The following TMTC2 variants were observed in gnomAD, a reference collection of about 807,000 sequenced individuals.
TMTC2 encodes transmembrane O-mannosyltransferase targeting cadherins 2, also known as protein O-mannosyl-transferase TMTC2.
A neutral mutation model predicts 82.4 loss-of-function variants in TMTC2; 43 were observed. The observed-to-expected ratio is 0.52, with a 90% CI of 0.41 to 0.67. The LOEUF is 0.67. TMTC2 is among the 30% of genes least tolerant of loss of function. TMTC2 has a pLI of 0.00. For synonymous variants in TMTC2, 408 were observed against 381.9 expected (o/e 1.07, Z -0.80); for missense variants, 919 against 1,012.4 (o/e 0.91, Z 1.25).
chr12:83,113,126 T>A (rs932967431), intron 11 of TMTC2, among the ~76,000 whole-genome samples: 1 of 152,202 alleles, frequency 6.6e-6, no homozygotes, highest in Non-Finnish European at 1.5e-5. Flanking sequence ...TCTGTGTGAT[T>A]GCTTTATTGA....
intron 2 of TMTC2, among the ~76,000 whole-genome samples, chr12:82,876,028 CGGTGGTGGTGGTGGTGGTGGTGGTGGT>C (rs748180026): frequency 1.2e-5 from 1 of 83,488 alleles, no homozygotes; most frequent in African/African-American, 5.2e-5. Context: ...GTAGTGGTGG[CGGTGGTGGTGGTGGTGGTGGTGGTGGT>C]GGTGGTGGTG....
intron 1 of TMTC2, among the ~76,000 whole-genome samples, chr12:82,809,179 A>G (rs1879377881): frequency 6.6e-6 from 1 of 151,794 alleles, no homozygotes; most frequent in South Asian, 2.1e-4. Context: ...ATGACCAATA[A>G]TATGCATTGG....
intron 1 of TMTC2, among the ~76,000 whole-genome samples, chr12:82,699,321 A>G (rs2136896091): frequency 6.6e-6 from 1 of 152,236 alleles, no homozygotes; most frequent in Non-Finnish European, 1.5e-5. Context: ...CTATGTTTCT[A>G]GTCATTGTAC....
intron 1 of TMTC2, among the ~76,000 whole-genome samples, chr12:82,808,589 A>T (rs550956035): frequency 2.2e-4 from 34 of 152,204 alleles, no homozygotes; most frequent in Admixed American, 1.6e-3. Flanking sequence ...TCTGTTTATT[A>T]TTCAGACATA....
intron 11 of TMTC2, among the ~76,000 whole-genome samples, chr12:83,087,099 GT>G (rs2137513191): frequency 6.6e-6 from 1 of 152,284 alleles, no homozygotes; most frequent in South Asian, 2.1e-4. Flanking sequence ...ATAAATTTAT[GT>G]TATATTCTAA....
chr12:82,746,299 G>A (rs1340868716), intron 1 of TMTC2, among the ~76,000 whole-genome samples: 3 of 152,154 alleles, frequency 2.0e-5, no homozygotes, highest in Non-Finnish European at 4.4e-5. Flanking sequence ...GTCTAATAAA[G>A]CATGTCCTTT....
intron 8 of TMTC2, among the ~76,000 whole-genome samples, chr12:82,996,301 G>C (rs935212580): frequency 6.6e-6 from 1 of 152,176 alleles, no homozygotes; most frequent in Non-Finnish European, 1.5e-5. Context: ...AAGGGGTGAG[G>C]GTGAAGGGCA....
chr12:82,890,842 T>C (rs1873360199), intron 2 of TMTC2, among the ~76,000 whole-genome samples: 1 of 152,206 alleles, frequency 6.6e-6, no homozygotes, highest in African/African-American at 2.4e-5. Flanking sequence ...GCAACCTTAA[T>C]GATAAGTTGA....
intron 1 of TMTC2, among the ~76,000 whole-genome samples, chr12:82,851,326 A>C (rs1870965215): frequency 6.6e-6 from 1 of 152,078 alleles, no homozygotes; most frequent in African/African-American, 2.4e-5. Context: ...GCTACTGGGG[A>C]GGCTGAGGCA....
chr12:82,812,215 G>A (rs1280739390), intron 1 of TMTC2, among the ~76,000 whole-genome samples: 1 of 152,012 alleles, frequency 6.6e-6, no homozygotes, highest in Non-Finnish European at 1.5e-5. Context: ...CTTATTAGAA[G>A]TAAAATCAGT....
chr12:82,907,772 T>C (rs1874402694), intron 3 of TMTC2, among the ~76,000 whole-genome samples: 1 of 152,176 alleles, frequency 6.6e-6, no homozygotes, highest in Non-Finnish European at 1.5e-5. Flanking sequence ...TAGCATATGA[T>C]TAAGCATGAA....
chr12:83,095,230 G>GTTTT (rs372668283), intron 11 of TMTC2, among the ~76,000 whole-genome samples: 1 of 126,274 alleles, frequency 7.9e-6, no homozygotes, highest in African/African-American at 2.7e-5. Flanking sequence ...TTTTTTTTTT[G>GTTTT]TTTTTTTTTT....
intron 11 of TMTC2, among the ~76,000 whole-genome samples, chr12:83,085,844 C>T (rs1275615004): frequency 6.6e-6 from 1 of 152,174 alleles, no homozygotes; most frequent in Non-Finnish European, 1.5e-5. Context: ...TTTCCTACCA[C>T]AGTAAAGGCA....
intron 7 of TMTC2, among the ~76,000 whole-genome samples, chr12:82,981,665 T>C (rs770470969): frequency 6.6e-6 from 1 of 152,072 alleles, no homozygotes; most frequent in Middle Eastern, 3.4e-3. Flanking sequence ...TTTTCTATTA[T>C]TGTAAGTTAA....
chr12:82,801,846 G>A (rs188452033), intron 1 of TMTC2, among the ~76,000 whole-genome samples: 1 of 152,272 alleles, frequency 6.6e-6, no homozygotes, highest in Non-Finnish European at 1.5e-5. Flanking sequence ...GCTAGACGCA[G>A]GGTGCTGATT....
intron 1 of TMTC2, among the ~76,000 whole-genome samples, chr12:82,735,545 C>T (rs543052305): frequency 4.6e-5 from 7 of 152,048 alleles, no homozygotes; most frequent in East Asian, 2.0e-4. Context: ...CGAAGTTTCA[C>T]TGTGTTAGCC....
At chr12:83,036,469 TC>T (rs1264895837) in intron 9 of TMTC2, among the ~76,000 whole-genome samples, 1 of 149,256 alleles carries the variant, frequency 6.7e-6, no homozygotes, top group Non-Finnish European at 1.5e-5. Flanking sequence ...TGTTTTCTTG[TC>T]CCCGAGTCTT....
At chr12:82,951,932 T>C (rs950310728) in intron 4 of TMTC2, among the ~76,000 whole-genome samples, 4 of 152,068 alleles carry the variant, frequency 2.6e-5, no homozygotes, top group South Asian at 2.1e-4. Context: ...AGTATATGAT[T>C]TGAGAAAAAA....
At chr12:82,849,622 TTTGGATTCAGAC>T (rs1274952916) in intron 1 of TMTC2, among the ~76,000 whole-genome samples, 3 of 152,124 alleles carry the variant, frequency 2.0e-5, no homozygotes, top group Non-Finnish European at 2.9e-5. Flanking sequence ...AGAAAATTAG[TTTGGATTCAGAC>T]TTACTAAGCT....
Sources: allele counts gnomAD v4.1 joint callset (sites outside exome capture counted in the v4.1 genomes callset), GRCh38; gene constraint gnomAD v4.1.1; transcripts MANE v1.5; gene names NCBI Gene and HGNC (gene_info 2026-07-23, HGNC 2026-07-21).